Variants in AFF4 observed in about 807,000 individuals in gnomAD.
The protein encoded by AFF4 is ALF transcription elongation factor 4.
Under a neutral mutation model 124.8 loss-of-function variants are expected in AFF4, and 13 were observed. That is an observed-to-expected ratio of 0.10 (90% CI 0.07 to 0.17). The LOEUF (loss-of-function observed/expected upper bound fraction) is 0.17, where lower values mean the gene tolerates loss of function less well. AFF4 is among the 10% of genes least tolerant of loss of function. The pLI is 1.00. For synonymous variants in AFF4, 477 were observed against 496.1 expected (o/e 0.96, Z 0.51); for missense variants, 1,092 against 1,403.8 (o/e 0.78, Z 3.55).
intron 5 of AFF4, among the ~76,000 whole-genome samples, chr5:132,920,459 T>C (rs1476252790): frequency 6.6e-6 from 1 of 150,980 alleles, no homozygotes; most frequent in Non-Finnish European, 1.5e-5. Flanking sequence ...CAAGCTCAAA[T>C]GATCCCCCAC....
Position 132,880,900 on chromosome 5 carries a change from T to C in AFF4, c.*159A>G. 1 of 822,872 alleles carries C rather than the reference T, an allele frequency of 1.2e-6. No individual in the cohort carries two copies. The highest frequency in any genetic ancestry group is 2.6e-5 in the South Asian group (1 of 38,518). The allele number at this position is 822,872 out of a possible 1,614,324, so 51.0% of individuals were successfully genotyped here. A position where few individuals can be genotyped will look rare whatever the true frequency, so the allele number is the denominator to read the frequency against. ...GGAAATATTAAAGGGCCAACTGACA[T>C]GATCGCTTTGGATTATCAAAAACAA... is the stretch of plus-strand genomic sequence containing the variant. On this transcript the variant is annotated 3_prime_UTR_variant, in exon 21 of 21. Coordinates refer to ENST00000265343, the MANE Select transcript of AFF4 (RefSeq NM_014423.4).
intron 7 of AFF4, chr5:132,901,209 C>G: frequency 5.2e-6 from 5 of 956,240 alleles, no homozygotes; most frequent in Non-Finnish European, 6.2e-6. Flanking sequence ...CTTGTTTACA[C>G]ATGTGAATAT....
At chr5:132,923,628 TGA>T (rs1268848505) in intron 5 of AFF4, among the ~76,000 whole-genome samples, 1 of 152,014 alleles carries the variant, frequency 6.6e-6, no homozygotes, top group Non-Finnish European at 1.5e-5. Flanking sequence ...GAGGCTGAAA[TGA>T]GAGGATTGCT....
At chr5:132,959,765 T>C (rs1031100121) in intron 1 of AFF4, among the ~76,000 whole-genome samples, 14 of 136,696 alleles carry the variant, frequency 1.0e-4, no homozygotes, top group Admixed American at 3.6e-4. Flanking sequence ...TTCTTTTTTT[T>C]TTTTTTTTTT....
At chr5:132,917,299 T>C (rs1185002881) in intron 5 of AFF4, among the ~76,000 whole-genome samples, 2 of 152,142 alleles carry the variant, frequency 1.3e-5, no homozygotes, top group African/African-American at 4.8e-5. Flanking sequence ...ATTTAAAAAA[T>C]ATTCAACAAA....
At chr5:132,904,450 A>C (rs760380503) in intron 5 of AFF4, 46 bp from the exon 6 acceptor site, 2 of 1,512,182 alleles carry the variant, frequency 1.3e-6, no homozygotes, top group Admixed American at 2.0e-5. Context: ...ACTAAAAAAG[A>C]AAGATTAGTG....
chr5:132,887,787 C>T, intron 16 of AFF4, 59 bp downstream of exon 16: 6 of 1,595,370 alleles, frequency 3.8e-6, no homozygotes, highest in Non-Finnish European at 5.1e-6. Flanking sequence ...TCAGCCTCTT[C>T]CTTGATGGAC....
Position 132,883,095 on chromosome 5 carries a change from C to A in AFF4, c.3364+245G>T, listed in dbSNP as rs2525485. Among the ~76,000 whole-genome samples, 66,403 of 151,838 alleles carry A rather than the reference C, an allele frequency of 0.44. 15,775 individuals are homozygous for A. Among genetic ancestry groups the A allele is most frequent in the South Asian group, 0.59 (2,828 of 4,812 alleles). ...TGCATTTAATGTGCCAGAATATAAG[C>A]ACATTTGTCTTAGTCCAAGAACTAT... On this transcript the variant is annotated intron_variant, in intron 20 of 20. Coordinates refer to ENST00000265343, the MANE Select transcript of AFF4 (RefSeq NM_014423.4).
chr5:132,912,925 G>C (rs1760827824), intron 5 of AFF4, among the ~76,000 whole-genome samples: 1 of 151,768 alleles, frequency 6.6e-6, no homozygotes, highest in Non-Finnish European at 1.5e-5. Flanking sequence ...CAAGATAGTA[G>C]ATTTAAGCCC....
intron 2 of AFF4, among the ~76,000 whole-genome samples, chr5:132,936,599 G>GA (rs1348007510): frequency 3.3e-5 from 5 of 152,054 alleles, no homozygotes; most frequent in African/African-American, 9.6e-5. Context: ...GAACACCTAG[G>GA]AAAAATCAAA....
At chr5:132,956,456 C>T (rs1265858743) in intron 1 of AFF4, among the ~76,000 whole-genome samples, 1 of 151,936 alleles carries the variant, frequency 6.6e-6, no homozygotes, top group Non-Finnish European at 1.5e-5. Context: ...CCTGGCAAAA[C>T]CCCATCTCTA....
chr5:132,883,214 TAACA>T (rs1441064261), intron 20 of AFF4, 122 bp downstream of exon 20: 33 of 926,210 alleles, frequency 3.6e-5, no homozygotes, highest in Middle Eastern at 2.3e-4. Context: ...TGAAGACTAT[TAACA>T]AACAGATTAT....
intron 13 of AFF4, among the ~76,000 whole-genome samples, chr5:132,890,387 C>T (rs992651044): frequency 9.9e-5 from 15 of 151,986 alleles, no homozygotes; most frequent in Non-Finnish European, 1.8e-4. Context: ...CTCCAGCCAG[C>T]CTCCCAAAGT....
intron 1 of AFF4, among the ~76,000 whole-genome samples, chr5:132,962,947 A>G (rs1762113560): frequency 6.6e-6 from 1 of 151,976 alleles, no homozygotes. Context: ...ATTGAGGAGG[A>G]TATGAAAAAG....
chr5:132,934,325 T>A lies in AFF4; in HGVS notation c.740A>T (p.Asn247Ile). 1 of 1,614,132 alleles carries A rather than the reference T, an allele frequency of 6.2e-7. No individual in the cohort carries two copies. The highest frequency in any genetic ancestry group is 8.5e-7 in the Non-Finnish European group (1 of 1,180,030). Residue 247 changes from asparagine (N) to isoleucine (I), a missense_variant, in exon 3 of 21, where the codon AAT (asparagine) becomes ATT (isoleucine). By Grantham distance (149) the Asn-to-Ile change is moderately radical. Around this residue, in one of 11 missense-constraint regions of AFF4, gnomAD observed 188 missense variants for 203.0 expected, o/e 0.93. Coordinates refer to ENST00000265343, the MANE Select transcript of AFF4 (RefSeq NM_014423.4). Reference sequence around the variant, plus strand: ...GGCAGTGGGTTTCTGTAACATTGAATTGGACTTTGACATCAATGAGGGTGG... The same window carrying A: ...GGCAGTGGGTTTCTGTAACATTGAAATGGACTTTGACATCAATGAGGGTGG... The part of the protein sequence containing the change: ...SFPPSLMSKS[N>I]SMLQKPTAYV...
chr5:132,942,541 C>T (rs1310808256), intron 1 of AFF4, among the ~76,000 whole-genome samples: 1 of 151,472 alleles, frequency 6.6e-6, no homozygotes, highest in Admixed American at 6.6e-5. Context: ...CTCGGCTCAC[C>T]ACAACCTTCG....
chr5:132,949,130 G>A (rs1232500942), intron 1 of AFF4, among the ~76,000 whole-genome samples: 1 of 150,886 alleles, frequency 6.6e-6, no homozygotes, highest in African/African-American at 2.4e-5. Flanking sequence ...GGGGCAATCA[G>A]TAGGAAGGCA....
chr5:132,914,989 C>A (rs1760874958), intron 5 of AFF4, among the ~76,000 whole-genome samples: 1 of 151,986 alleles, frequency 6.6e-6, no homozygotes, highest in South Asian at 2.1e-4. Context: ...GCTTAAAAAC[C>A]ATCTTACAAA....
At chr5:132,943,828 G>A (rs1761631156) in intron 1 of AFF4, 1 of 243,980 alleles carries the variant, frequency 4.1e-6, no homozygotes, top group Non-Finnish European at 8.9e-6. Flanking sequence ...CTATGCTCCT[G>A]TAATGGATTG....
Sources: gnomAD v4.1 joint callset for allele counts (sites outside exome capture counted in the v4.1 genomes callset) on GRCh38, gnomAD v4.1.1 for gene constraint, gnomAD v4.1.1 regional missense constraint, MANE v1.5 for transcripts, NCBI Gene and HGNC (gene_info 2026-07-23, HGNC 2026-07-21) for gene names.